Variants in NLGN1 observed in about 807,000 individuals in gnomAD.
The protein encoded by NLGN1 is neuroligin-1.
NLGN1 carries 12 observed loss-of-function variants against 65.5 expected under a neutral mutation model. The ratio of observed to expected loss-of-function variants is 0.18; its 90% confidence interval spans 0.12 to 0.30. The LOEUF is 0.30. Among genes scored for constraint, NLGN1 ranks in the 10% least tolerant of loss-of-function variants. The probability of loss-of-function intolerance (pLI) is 1.00; values close to 1 mark genes in which losing one functional copy is unlikely to be tolerated. For synonymous variants in NLGN1, 350 were observed against 359.5 expected, an observed-to-expected ratio of 0.97 and a Z score of 0.30; for missense variants, 750 against 1,007.1, an observed-to-expected ratio of 0.74 and a Z score of 3.46.
At chr3:173,551,398 A>G (rs1171658391) in intron 2 of NLGN1, among the ~76,000 whole-genome samples, 1 of 152,168 alleles carries the variant, frequency 6.6e-6, no homozygotes, top group Non-Finnish European at 1.5e-5. Context: ...AATTGCTTGT[A>G]TACTCTTTAC....
chr3:173,874,345 G>C (rs142815971), intron 4 of NLGN1, among the ~76,000 whole-genome samples: 2 of 152,178 alleles, frequency 1.3e-5, no homozygotes, highest in Admixed American at 1.3e-4. Flanking sequence ...TCAAAGTGAT[G>C]TTTAAATGTG....
intron 2 of NLGN1, among the ~76,000 whole-genome samples, chr3:173,512,326 A>G (rs566089809): frequency 1.3e-5 from 2 of 152,184 alleles, no homozygotes; most frequent in Non-Finnish European, 2.9e-5. Flanking sequence ...GAATTGAAAG[A>G]TGGTGAATGT....
At chr3:173,401,221 G>C (rs1717629780) in intron 1 of NLGN1, among the ~76,000 whole-genome samples, 1 of 151,854 alleles carries the variant, frequency 6.6e-6, no homozygotes, top group South Asian at 2.1e-4. Flanking sequence ...TGCTGGTAGT[G>C]CACCCCACCC....
chr3:173,958,077 G>A (rs1056873155), intron 4 of NLGN1, among the ~76,000 whole-genome samples: 1 of 152,178 alleles, frequency 6.6e-6, no homozygotes, highest in Admixed American at 6.5e-5. Context: ...GAACTGCAGA[G>A]CCCCAAACAA....
At chr3:173,430,387 A>G (rs1352913577) in intron 1 of NLGN1, among the ~76,000 whole-genome samples, 1 of 152,140 alleles carries the variant, frequency 6.6e-6, no homozygotes, top group Non-Finnish European at 1.5e-5. Context: ...CTCTCTTGAC[A>G]CTTTTAAGGA....
intron 4 of NLGN1, among the ~76,000 whole-genome samples, chr3:174,100,567 C>T (rs1235490401): frequency 6.6e-6 from 1 of 152,046 alleles, no homozygotes; most frequent in Non-Finnish European, 1.5e-5. Flanking sequence ...AACTTCTCCC[C>T]TCACCCCATC....
At chr3:173,731,309 G>A (rs1772805293) in intron 3 of NLGN1, among the ~76,000 whole-genome samples, 1 of 152,046 alleles carries the variant, frequency 6.6e-6, no homozygotes, top group Non-Finnish European at 1.5e-5. Context: ...TGGAAAGAAA[G>A]ATGGAGTTAC....
At chr3:174,289,893 C>T (rs2152903508), downstream of NLGN1, among the ~76,000 whole-genome samples, 1 of 125,276 alleles carries the variant, frequency 8.0e-6, no homozygotes, top group South Asian at 2.7e-4. Flanking sequence ...TACGTGGGGG[C>T]ACTTTATATA....
At chr3:173,449,789 T>C (rs1202078063) in intron 2 of NLGN1, among the ~76,000 whole-genome samples, 1 of 152,244 alleles carries the variant, frequency 6.6e-6, no homozygotes, top group South Asian at 2.1e-4. Flanking sequence ...GTTCTTCTTA[T>C]TGAATTGATC....
chr3:174,266,124 C>G (rs1748178424), intron 4 of NLGN1, among the ~76,000 whole-genome samples: 1 of 150,402 alleles, frequency 6.6e-6, no homozygotes, highest in Non-Finnish European at 1.5e-5. Flanking sequence ...AATTGCATGT[C>G]AAGGGGGTTT....
intron 2 of NLGN1, among the ~76,000 whole-genome samples, chr3:173,527,920 T>A (rs1185523585): frequency 1.3e-5 from 2 of 152,230 alleles, no homozygotes; most frequent in East Asian, 1.9e-4. Context: ...TACCACTCCA[T>A]CTTTTAAGTA....
chr3:173,486,232 T>A (rs1381252454), intron 2 of NLGN1, among the ~76,000 whole-genome samples: 1 of 151,912 alleles, frequency 6.6e-6, no homozygotes, highest in Non-Finnish European at 1.5e-5. Flanking sequence ...TTTTTTAGCT[T>A]TTAGTTTTTA....
At chr3:174,017,105 A>T (rs1726723428) in intron 4 of NLGN1, among the ~76,000 whole-genome samples, 1 of 152,150 alleles carries the variant, frequency 6.6e-6, no homozygotes, top group African/African-American at 2.4e-5. Flanking sequence ...AATGGCTGCT[A>T]ACCCCATTGC....
In NLGN1 at chr3:174,036,581, G is replaced by C. The variant is rs28638448; in HGVS notation, c.646+228749G>C. 6.8e-5 allele frequency among the ~76,000 whole-genome samples: 4 copies of C among 58,948 alleles called. No individual in the cohort carries two copies. The Admixed American group carries it at 7.9e-4, about 12-fold the overall frequency. The allele number at this position is 58,948 out of a possible 152,430, so 38.7% of individuals were successfully genotyped here. On this transcript the variant is annotated intron_variant, in intron 4 of 6. Transcript: ENST00000457714. ...TGGTATTTATGGAAATAGGTTTTTT[G>C]TTGTTTTTTTTTTTTTTTCAAATTT...
intron 4 of NLGN1, among the ~76,000 whole-genome samples, chr3:173,982,610 A>C (rs1297414930): frequency 6.6e-6 from 1 of 152,194 alleles, no homozygotes; most frequent in Non-Finnish European, 1.5e-5. Context: ...TAAAAGTTTA[A>C]GAATGAAAAG....
At chr3:173,984,165 A>G (rs544585608) in intron 4 of NLGN1, among the ~76,000 whole-genome samples, 1 of 152,346 alleles carries the variant, frequency 6.6e-6, no homozygotes, top group African/African-American at 2.4e-5. Flanking sequence ...GTACTTAGGT[A>G]TATCAAGAAA....
At chr3:174,152,714 A>G (rs1318288001) in intron 4 of NLGN1, among the ~76,000 whole-genome samples, 1 of 152,096 alleles carries the variant, frequency 6.6e-6, no homozygotes, top group Non-Finnish European at 1.5e-5. Flanking sequence ...TTTAAAGGAC[A>G]TATCATTTAG....
chr3:174,275,199 C>CTAA (rs1491421449), intron 4 of NLGN1, 116 bp from the exon 5 acceptor site: 1 of 692,458 alleles, frequency 1.4e-6, no homozygotes, highest in Admixed American at 2.8e-5. Context: ...ATAATTTTTA[C>CTAA]TAATGAACTT....
At chr3:173,483,707 G>T (rs1306769816) in intron 2 of NLGN1, among the ~76,000 whole-genome samples, 1 of 152,088 alleles carries the variant, frequency 6.6e-6, no homozygotes, top group Non-Finnish European at 1.5e-5. Flanking sequence ...TATGGCAAAA[G>T]CCCCTGACTT....
Sources: gnomAD v4.1 joint callset for allele counts (sites outside exome capture counted in the v4.1 genomes callset) on GRCh38, gnomAD v4.1.1 for gene constraint, MANE v1.5 for transcripts, NCBI Gene and HGNC (gene_info 2026-07-23, HGNC 2026-07-21) for gene names.